The following SVOP variants were observed in gnomAD, a reference collection of about 807,000 sequenced individuals.
SVOP encodes SV2 related protein, also known as synaptic vesicle 2-related protein.
In SVOP, 17 loss-of-function variants were observed where a neutral mutation model predicts 69.1. The observed-to-expected ratio is 0.25, with a 90% CI of 0.17 to 0.37. The LOEUF is 0.37. Ranked by LOEUF, SVOP falls within the 10% of genes least tolerant of loss-of-function variation. The probability of loss-of-function intolerance (pLI) is 1.00; values close to 1 mark genes in which losing one functional copy is unlikely to be tolerated. For synonymous variants in SVOP, 238 were observed against 238.6 expected, an observed-to-expected ratio of 1.00 and a Z score of 0.02; for missense variants, 435 against 597.5, an observed-to-expected ratio of 0.73 and a Z score of 2.84.
rs531375717 is a variant in SVOP at position 109,020,997 on chromosome 12, G to T, written c.-129C>A. On this transcript the variant is annotated 5_prime_UTR_variant, in exon 1 of 16. Coordinates refer to ENST00000610966, the MANE Select transcript of SVOP (RefSeq NM_018711.5). ...CCGCTTCCTCCCTGGAGCAGCAGCT[G>T]TTCGGGGAGGGAGCCGCTGGGGACC... 1.8e-4 allele frequency: 109 copies of T among 594,372 alleles called. 2 individuals carry two copies. In the South Asian group the frequency reaches 2.1e-3, roughly 11 times the overall value. 36.8% of individuals were successfully genotyped at this position (594,372 alleles called of 1,614,324 possible). A position where few individuals can be genotyped will look rare whatever the true frequency, so the allele number is the denominator to read the frequency against.
chr12:108,952,292 T>C (rs36165885), intron 6 of SVOP, among the ~76,000 whole-genome samples: 19,443 of 142,332 alleles, frequency 0.14, 1,501 homozygotes, highest in East Asian at 0.32. Context: ...TGGAGTGTAG[T>C]GGTACGATCT....
At chr12:108,925,786 C>G (rs1210011722) in intron 11 of SVOP, among the ~76,000 whole-genome samples, 1 of 152,110 alleles carries the variant, frequency 6.6e-6, no homozygotes, top group Non-Finnish European at 1.5e-5. Context: ...CTGAATTGCC[C>G]TTTATCCCTC....
chr12:108,968,691 C>A (rs1162182883), intron 5 of SVOP, among the ~76,000 whole-genome samples: 1 of 151,034 alleles, frequency 6.6e-6, no homozygotes, highest in African/African-American at 2.4e-5. Flanking sequence ...CAGCAAATTT[C>A]CTCATTATGG....
intron 5 of SVOP, among the ~76,000 whole-genome samples, chr12:108,971,245 A>C (rs2137429802): frequency 6.6e-6 from 1 of 152,234 alleles, no homozygotes; most frequent in South Asian, 2.1e-4. Flanking sequence ...CCTGGCCAAC[A>C]TGGTGAAACC....
At chr12:108,969,955 T>A (rs2040069094) in intron 5 of SVOP, among the ~76,000 whole-genome samples, 1 of 152,172 alleles carries the variant, frequency 6.6e-6, no homozygotes, top group African/African-American at 2.4e-5. Context: ...CCAACTGCCA[T>A]CTCCAGCCCC....
intron 5 of SVOP, 53 bp from the exon 6 acceptor site, chr12:108,961,100 G>C (rs1272711603): frequency 1.3e-5 from 20 of 1,508,214 alleles, no homozygotes; most frequent in Non-Finnish European, 1.7e-5. Context: ...CCTCCAGGTA[G>C]CGTTTGCACC....
At chr12:108,915,987 C>T in intron 14 of SVOP, 115 bp from the exon 15 acceptor site, 2 of 969,634 alleles carry the variant, frequency 2.1e-6, no homozygotes, top group Non-Finnish European at 2.9e-6. Flanking sequence ...GCAAATCCCT[C>T]CAGTGCTGGT....
chr12:108,910,128 T>C lies in SVOP; in HGVS notation c.*2407A>G, dbSNP rs1291659816. 2.9e-5 allele frequency: 2 copies of C among 69,012 alleles called. No homozygotes were observed. The highest frequency in any genetic ancestry group is 4.5e-5 in the Non-Finnish European group (2 of 44,290). The allele number at this position is 69,012 out of a possible 1,614,324, so 4.3% of individuals were successfully genotyped here. On this transcript the variant is annotated 3_prime_UTR_variant, in exon 16 of 16. Coordinates refer to ENST00000610966, the MANE Select transcript of SVOP (RefSeq NM_018711.5). ...GCACCCGCCACCACACCTGGCTAAT[T>C]TTTTTTTGTATTTTTAGTAGAGACG... is the stretch of plus-strand genomic sequence containing the variant.
At chr12:109,006,535 TA>T (rs1758961385) in intron 1 of SVOP, among the ~76,000 whole-genome samples, 1 of 152,026 alleles carries the variant, frequency 6.6e-6, no homozygotes, top group Non-Finnish European at 1.5e-5. Context: ...GCAGAGGGTA[TA>T]GGGGGAGAAC....
chr12:108,963,293 G>C (rs909704519), intron 5 of SVOP, among the ~76,000 whole-genome samples: 3 of 152,124 alleles, frequency 2.0e-5, no homozygotes, highest in African/African-American at 7.2e-5. Flanking sequence ...GGAGATGAGT[G>C]AGGAAATTTG....
In SVOP at chr12:108,910,020, C is replaced by T. The variant is rs111353005; in HGVS notation, c.*2515G>A. 2,356 of 152,436 alleles carry T rather than the reference C, an allele frequency of 0.015. 26 individuals are homozygous for T. The highest frequency in any genetic ancestry group is 0.044 in the Middle Eastern group (13 of 296). The allele number at this position is 152,436 out of a possible 1,614,324, so 9.4% of individuals were successfully genotyped here. The stretch of plus-strand genomic sequence containing the variant: ...TGTCGCCCAGGCTGGAGTGCAGTGG[C>T]GCGATCTCGGCTCACTGCAAGCTCT... On this transcript the variant is annotated 3_prime_UTR_variant, in exon 16 of 16. Transcript: ENST00000610966.
chr12:108,998,340 A>G (rs369497907), intron 1 of SVOP, among the ~76,000 whole-genome samples: 3 of 152,170 alleles, frequency 2.0e-5, no homozygotes, highest in Middle Eastern at 3.4e-3. Flanking sequence ...TCTGATTGGT[A>G]TACCTGAAAG....
intron 1 of SVOP, among the ~76,000 whole-genome samples, chr12:108,997,619 C>T (rs7397595): frequency 0.028 from 4,188 of 151,446 alleles, 96 homozygotes; most frequent in Non-Finnish European, 0.043. Flanking sequence ...GATCTGAGAA[C>T]GGGCAGACTG....
intron 14 of SVOP, 64 bp from the exon 15 acceptor site, chr12:108,915,936 A>T (rs1018285445): frequency 6.9e-7 from 1 of 1,453,212 alleles, no homozygotes; most frequent in Admixed American, 2.3e-5. Context: ...CTCCAGCTCC[A>T]AGCTGATAGG....
chr12:108,921,187 A>G (rs2039746034), intron 12 of SVOP, among the ~76,000 whole-genome samples: 1 of 152,228 alleles, frequency 6.6e-6, no homozygotes, highest in South Asian at 2.1e-4. Flanking sequence ...ACAGAAATGG[A>G]GATTGCAAAT....
intron 1 of SVOP, among the ~76,000 whole-genome samples, chr12:109,012,390 C>T (rs2040346774): frequency 6.6e-6 from 1 of 151,826 alleles, no homozygotes; most frequent in Admixed American, 6.6e-5. Flanking sequence ...TTGAAAATTG[C>T]TAAGAAAGGA....
intron 4 of SVOP, among the ~76,000 whole-genome samples, chr12:108,976,789 A>G (rs1480850268): frequency 6.6e-6 from 1 of 151,738 alleles, no homozygotes; most frequent in Non-Finnish European, 1.5e-5. Context: ...TAATTTTTGT[A>G]TTTTTAGTAG....
chr12:108,916,765 C>A (rs2039716616), intron 14 of SVOP, among the ~76,000 whole-genome samples: 2 of 152,312 alleles, frequency 1.3e-5, no homozygotes, highest in South Asian at 4.1e-4. Context: ...TTATTTGAGA[C>A]AGGGTCTCAC....
At chr12:109,014,705 T>C (rs1451013920) in intron 1 of SVOP, among the ~76,000 whole-genome samples, 1 of 152,128 alleles carries the variant, frequency 6.6e-6, no homozygotes, top group South Asian at 2.1e-4. Context: ...CAACATTTGT[T>C]ATTTTCTGAT....
Sources: gnomAD v4.1 joint callset for allele counts (sites outside exome capture counted in the v4.1 genomes callset) on GRCh38, gnomAD v4.1.1 for gene constraint, MANE v1.5 for transcripts, NCBI Gene and HGNC (gene_info 2026-07-23, HGNC 2026-07-21) for gene names.